GRAPL: variants seen among roughly 807,000 people sequenced by gnomAD.
The protein encoded by GRAPL is GRB2 related adaptor protein like.
chr17:19,147,016 G>GGTGTGTGTGTGTGTGT (rs764286470), intron 3 of GRAPL, among the ~76,000 whole-genome samples: 3 of 98,552 alleles, frequency 3.0e-5, no homozygotes, highest in East Asian at 6.0e-4. Flanking sequence ...GAGAGGTAGG[G>GGTGTGTGTGTGTGTGT]GTGTGTGTGT....
intron 3 of GRAPL, among the ~76,000 whole-genome samples, chr17:19,149,328 C>CAAAAAA: frequency 7.9e-5 from 1 of 12,640 alleles, no homozygotes; most frequent in Non-Finnish European, 1.0e-4. Flanking sequence ...GACTCTGTCT[C>CAAAAAA]AAAAAAAAAA....
intron 3 of GRAPL, among the ~76,000 whole-genome samples, chr17:19,144,544 C>T (rs1257060748): frequency 7.0e-6 from 1 of 143,258 alleles, no homozygotes; most frequent in Non-Finnish European, 1.5e-5. Context: ...CACACACACA[C>T]AAGCATCCCA....
At chr17:19,148,907 CAAA>C (rs1177333542) in intron 3 of GRAPL, among the ~76,000 whole-genome samples, 2 of 78,634 alleles carry the variant, frequency 2.5e-5, no homozygotes, top group Non-Finnish European at 2.5e-5. Flanking sequence ...GACCACGCCT[CAAA>C]AAAAAAAAAA....
intron 3 of GRAPL, among the ~76,000 whole-genome samples, chr17:19,149,325 T>C (rs2044720193): frequency 1.8e-5 from 1 of 55,710 alleles, no homozygotes; most frequent in African/African-American, 3.6e-4. Context: ...CAAGACTCTG[T>C]CTCAAAAAAA....
intron 3 of GRAPL, among the ~76,000 whole-genome samples, chr17:19,149,023 C>T (rs1050727738): frequency 1.5e-5 from 2 of 130,252 alleles, no homozygotes; most frequent in African/African-American, 2.8e-5. Context: ...TGGGCACAGA[C>T]GGGAAATGAG....
In GRAPL at chr17:19,147,016, GGTGTGT is replaced by G. The variant is rs764286470; in HGVS notation, c.299+8458_299+8463del. Among the ~76,000 whole-genome samples, 100 of 98,552 alleles carry G rather than the reference GGTGTGT, an allele frequency of 1.0e-3. 2 individuals are homozygous for G. Among genetic ancestry groups the G allele is most frequent in the East Asian group, 1.2e-3 (2 of 1,666 alleles). 64.7% of individuals were successfully genotyped at this position (98,552 alleles called of 152,430 possible). A position where few individuals can be genotyped will look rare whatever the true frequency, so the allele number is the denominator to read the frequency against. ...CAATTTACAACCCAGGAGAGGTAGG[GGTGTGT>G]GTGTGTGTGTGTGTGTGTGTGTGTG... On this transcript the variant is annotated intron_variant, in intron 3 of 3. Coordinates refer to ENST00000344415, the MANE Select transcript of GRAPL (RefSeq NM_001129778.3).
rs1312566530 is a variant in GRAPL, at chr17:19,147,055, G to A, written c.299+8467G>A. Among the ~76,000 whole-genome samples, 6 of 127,100 alleles carry A rather than the reference G, an allele frequency of 4.7e-5. 1 individual carries two copies. The highest frequency in any genetic ancestry group is 6.6e-5 in the African/African-American group (2 of 30,162). 83.4% of individuals were successfully genotyped at this position (127,100 alleles called of 152,430 possible). A position where few individuals can be genotyped will look rare whatever the true frequency, so the allele number is the denominator to read the frequency against. ...TGTGTGTGTGTGTGTGTGTGTGCGC[G>A]CGCGCGCGCGTGCATGTGTCCCATC... is the stretch of plus-strand genomic sequence containing the variant. On this transcript the variant is annotated intron_variant, in intron 3 of 3. Coordinates refer to ENST00000344415, the MANE Select transcript of GRAPL (RefSeq NM_001129778.3).
chr17:19,148,848 C>T (rs1162888278), intron 3 of GRAPL, among the ~76,000 whole-genome samples: 1 of 113,196 alleles, frequency 8.8e-6, no homozygotes, highest in Non-Finnish European at 1.8e-5. Context: ...GCGGAGCTTG[C>T]AGTGAGCCGA....
intron 3 of GRAPL, among the ~76,000 whole-genome samples, chr17:19,147,048 TGTGCGCGC>T (rs1284218314): frequency 1.1e-4 from 14 of 125,990 alleles, no homozygotes; most frequent in Non-Finnish European, 2.1e-4. Context: ...TGTGTGTGTG[TGTGCGCGC>T]GCGCGCGCGT....
chr17:19,147,059 G>A lies in GRAPL; in HGVS notation c.299+8471G>A, dbSNP rs560051889. On this transcript the variant is annotated intron_variant, in intron 3 of 3. Coordinates refer to ENST00000344415, the MANE Select transcript of GRAPL (RefSeq NM_001129778.3). Reference sequence around the variant, plus strand: ...TGTGTGTGTGTGTGTGTGCGCGCGCGCGCGCGTGCATGTGTCCCATCAAGG... The same window carrying A: ...TGTGTGTGTGTGTGTGTGCGCGCGCACGCGCGTGCATGTGTCCCATCAAGG... Among the ~76,000 whole-genome samples, 43 of 127,532 alleles carry A rather than the reference G, an allele frequency of 3.4e-4. 5 individuals carry two copies. The highest frequency in any genetic ancestry group is 1.3e-3 in the African/African-American group (38 of 29,560). The allele number at this position is 127,532 out of a possible 152,430, so 83.7% of individuals were successfully genotyped here.
chr17:19,148,750 C>CA (rs2044710626), intron 3 of GRAPL, among the ~76,000 whole-genome samples: 1 of 41,630 alleles, frequency 2.4e-5, no homozygotes, highest in Non-Finnish European at 4.2e-5. Flanking sequence ...ACTAAAAATA[C>CA]AAAAAAAATT....
At chr17:19,149,557 C>T (rs1233990378) in intron 3 of GRAPL, among the ~76,000 whole-genome samples, 2 of 98,716 alleles carry the variant, frequency 2.0e-5, no homozygotes, top group African/African-American at 7.8e-5. Context: ...GTCAGGAGTT[C>T]GAGACCAGCC....
At chr17:19,147,056 CGCGCGCGCGT>C (rs1378127455) in intron 3 of GRAPL, among the ~76,000 whole-genome samples, 3 of 127,682 alleles carry the variant, frequency 2.3e-5, no homozygotes, top group African/African-American at 1.0e-4. Context: ...TGTGTGCGCG[CGCGCGCGCGT>C]GCATGTGTCC....
intron 3 of GRAPL, chr17:19,141,873 TCAAA>T (rs2044674080): frequency 1.1e-5 from 1 of 91,356 alleles, no homozygotes; most frequent in Admixed American, 1.2e-4. Flanking sequence ...CACAGGGGAC[TCAAA>T]CTACGTCTGG....
At position 19,144,530 on chromosome 17, in the gene GRAPL, G is replaced by C. The variant is rs575094113; in HGVS notation, c.299+5942G>C. ...CTCCACACAGTGGGAGACACACACA[G>C]ACACACACACACACAAGCATCCCAG... On this transcript the variant is annotated intron_variant, in intron 3 of 3. Coordinates refer to ENST00000344415, the MANE Select transcript of GRAPL (RefSeq NM_001129778.3). 7.3e-4 allele frequency among the ~76,000 whole-genome samples: 105 copies of C among 143,160 alleles called. 2 individuals carry two copies. Among genetic ancestry groups the C allele is most frequent in the Admixed American group, 2.9e-3 (41 of 14,190 alleles). The allele number at this position is 143,160 out of a possible 152,430, so 93.9% of individuals were successfully genotyped here. A position where few individuals can be genotyped will look rare whatever the true frequency, so the allele number is the denominator to read the frequency against.
chr17:19,142,931 C>A (rs1297248886), intron 3 of GRAPL: 1 of 82,754 alleles, frequency 1.2e-5, no homozygotes, highest in Non-Finnish European at 1.9e-5. Flanking sequence ...ATGACTGGCA[C>A]ATGATAAGTG....
intron 3 of GRAPL, among the ~76,000 whole-genome samples, chr17:19,148,869 T>C (rs1449770949): frequency 7.4e-5 from 9 of 121,618 alleles, no homozygotes; most frequent in Admixed American, 1.8e-4. Flanking sequence ...GATAGCGCCA[T>C]TGCACTCTAG....
At chr17:19,148,907 CAAAA>C (rs1177333542) in intron 3 of GRAPL, among the ~76,000 whole-genome samples, 3 of 78,638 alleles carry the variant, frequency 3.8e-5, no homozygotes, top group African/African-American at 9.3e-5. Context: ...GACCACGCCT[CAAAA>C]AAAAAAAAAA....
chr17:19,151,748 CTT>C (rs2044729508), intron 3 of GRAPL, among the ~76,000 whole-genome samples: 1 of 33,610 alleles, frequency 3.0e-5, no homozygotes, highest in East Asian at 4.2e-4. Flanking sequence ...CCAGCTAATT[CTT>C]TTGTATTTTT....
Sources: allele counts gnomAD v4.1 joint callset (sites outside exome capture counted in the v4.1 genomes callset), GRCh38; gene constraint gnomAD v4.1.1; transcripts MANE v1.5; gene names NCBI Gene and HGNC (gene_info 2026-07-23, HGNC 2026-07-21).